ME1: variants seen among roughly 807,000 people sequenced by gnomAD.
ME1 encodes malic enzyme 1, also known as NADP-dependent malic enzyme.
In ME1, 74 loss-of-function variants were observed where a neutral mutation model predicts 66.4. The observed-to-expected ratio is 1.11, with a 90% CI of 0.92 to 1.35. ME1 has a LOEUF of 1.35. Ranked by LOEUF, ME1 falls within the 40% of genes most tolerant of loss-of-function variation. The pLI is 0.00. For synonymous variants in ME1, 251 were observed against 235.6 expected (o/e 1.07, Z -0.60); for missense variants, 750 against 694.1 (o/e 1.08, Z -0.90).
intron 6 of ME1, among the ~76,000 whole-genome samples, chr6:83,279,662 T>C (rs1442115830): frequency 1.3e-5 from 2 of 152,004 alleles, no homozygotes; most frequent in Non-Finnish European, 2.9e-5. Context: ...ATTACAAAAG[T>C]TGTAAAATAA....
intron 3 of ME1, among the ~76,000 whole-genome samples, chr6:83,357,897 A>ACCCCC (rs1768920770): frequency 1.4e-5 from 1 of 73,880 alleles, no homozygotes; most frequent in East Asian, 4.2e-4. Flanking sequence ...TACTTAATAA[A>ACCCCC]CTCCCCTCTC....
At chr6:83,223,161 T>G (rs760299617) in intron 12 of ME1, among the ~76,000 whole-genome samples, 1 of 152,242 alleles carries the variant, frequency 6.6e-6, no homozygotes, top group Non-Finnish European at 1.5e-5. Flanking sequence ...ATTTTGTTTT[T>G]GCTTTTTTTT....
chr6:83,314,695 C>A (rs1767993799), intron 6 of ME1, among the ~76,000 whole-genome samples: 1 of 152,038 alleles, frequency 6.6e-6, no homozygotes, highest in African/African-American at 2.4e-5. Flanking sequence ...ATTTCAAAAT[C>A]TGCATAAACA....
chr6:83,381,965 T>C (rs1487223005), intron 3 of ME1, among the ~76,000 whole-genome samples: 1 of 152,044 alleles, frequency 6.6e-6, no homozygotes, highest in Non-Finnish European at 1.5e-5. Flanking sequence ...AAACTTCATC[T>C]CATGCCACCT....
chr6:83,262,626 T>C (rs1260938949), intron 6 of ME1, among the ~76,000 whole-genome samples: 1 of 152,206 alleles, frequency 6.6e-6, no homozygotes, highest in Non-Finnish European at 1.5e-5. Context: ...GAATTGTATA[T>C]TATTTTACTG....
At chr6:83,411,831 G>T (rs547985791) in intron 1 of ME1, among the ~76,000 whole-genome samples, 3 of 152,156 alleles carry the variant, frequency 2.0e-5, no homozygotes, top group African/African-American at 7.2e-5. Flanking sequence ...TTTGATCCTG[G>T]TTTTTCTCCT....
chr6:83,260,992 G>C (rs1470573987), intron 6 of ME1, among the ~76,000 whole-genome samples: 1 of 152,140 alleles, frequency 6.6e-6, no homozygotes, highest in African/African-American at 2.4e-5. Context: ...TGGGATTGCT[G>C]GGTCAAATGG....
chr6:83,324,716 C>CAAAAAAAAAAAAA (rs55866196), intron 5 of ME1, among the ~76,000 whole-genome samples: 2 of 49,306 alleles, frequency 4.1e-5, no homozygotes, highest in Admixed American at 2.9e-4. Flanking sequence ...GCCTACCAAC[C>CAAAAAAAAAAAAA]AAAAAAAAAA....
intron 2 of ME1, among the ~76,000 whole-genome samples, chr6:83,403,292 G>A (rs184616224): frequency 6.6e-6 from 1 of 152,224 alleles, no homozygotes; most frequent in African/African-American, 2.4e-5. Flanking sequence ...AGTTTGCTAT[G>A]ACAAAAATAC....
intron 2 of ME1, among the ~76,000 whole-genome samples, chr6:83,404,841 C>G (rs1769909139): frequency 2.6e-5 from 4 of 152,050 alleles, no homozygotes; most frequent in Non-Finnish European, 2.9e-5. Flanking sequence ...ATTTCTGAGG[C>G]CTCTGTTCTG....
chr6:83,425,390 T>A (rs1162407853), intron 1 of ME1, among the ~76,000 whole-genome samples: 1 of 152,194 alleles, frequency 6.6e-6, no homozygotes, highest in Non-Finnish European at 1.5e-5. Context: ...CTGGGAAATT[T>A]ATAAAGAAAG....
At chr6:83,268,267 C>A (rs1305953069) in intron 6 of ME1, among the ~76,000 whole-genome samples, 1 of 151,986 alleles carries the variant, frequency 6.6e-6, no homozygotes, top group Non-Finnish European at 1.5e-5. Context: ...ATAATAAAAT[C>A]TATAAAGTTG....
intron 6 of ME1, among the ~76,000 whole-genome samples, chr6:83,291,610 T>C (rs2128534923): frequency 6.6e-6 from 1 of 152,302 alleles, no homozygotes; most frequent in East Asian, 1.9e-4. Flanking sequence ...GGGTTGCTCT[T>C]CTTGAGGAGT....
chr6:83,312,319 C>A (rs1049095072), intron 6 of ME1, among the ~76,000 whole-genome samples: 3 of 152,200 alleles, frequency 2.0e-5, no homozygotes, highest in Admixed American at 2.0e-4. Flanking sequence ...CAGCCAAGTT[C>A]TGGCTCATAA....
intron 8 of ME1, among the ~76,000 whole-genome samples, chr6:83,238,972 T>C (rs1790461876): frequency 6.6e-6 from 1 of 151,786 alleles, no homozygotes; most frequent in South Asian, 2.1e-4. Context: ...TTTCAGATTA[T>C]TAAATTAAGC....
intron 4 of ME1, among the ~76,000 whole-genome samples, chr6:83,347,741 A>T (rs996378214): frequency 6.6e-6 from 1 of 152,210 alleles, no homozygotes; most frequent in Non-Finnish European, 1.5e-5. Context: ...AAAAATTTAT[A>T]GCTATTATTA....
intron 5 of ME1, among the ~76,000 whole-genome samples, chr6:83,332,663 C>T (rs1277548548): frequency 4.6e-5 from 7 of 152,088 alleles, no homozygotes; most frequent in African/African-American, 1.2e-4. Flanking sequence ...GAATGGAAGA[C>T]CAAATACTGC....
chr6:83,302,019 C>A (rs1030726615), intron 6 of ME1, among the ~76,000 whole-genome samples: 4 of 152,132 alleles, frequency 2.6e-5, no homozygotes, highest in African/African-American at 7.2e-5. Flanking sequence ...CACTCCAGCA[C>A]TATTCAAAAT....
intron 2 of ME1, among the ~76,000 whole-genome samples, chr6:83,407,177 C>T (rs1267169777): frequency 6.6e-6 from 1 of 152,104 alleles, no homozygotes; most frequent in Non-Finnish European, 1.5e-5. Context: ...GGCTTAGTAC[C>T]TTAGTAAGAA....
Sources: allele counts gnomAD v4.1 joint callset (sites outside exome capture counted in the v4.1 genomes callset), GRCh38; gene constraint gnomAD v4.1.1; transcripts MANE v1.5; gene names NCBI Gene and HGNC (gene_info 2026-07-23, HGNC 2026-07-21).